The following PTK2 variants were observed in gnomAD, a reference collection of about 807,000 sequenced individuals.
PTK2 encodes the protein focal adhesion kinase 1.
PTK2 carries 45 observed loss-of-function variants against 150.1 expected under a neutral mutation model. That is an observed-to-expected ratio of 0.30 (90% CI 0.24 to 0.38). The LOEUF is 0.38. PTK2 is among the 10% of genes least tolerant of loss of function. The pLI, the probability that PTK2 is intolerant of heterozygous loss-of-function variation, is 1.00. For synonymous variants in PTK2, 432 were observed against 449.2 expected, an observed-to-expected ratio of 0.96 and a Z score of 0.48; for missense variants, 919 against 1,307.3, an observed-to-expected ratio of 0.70 and a Z score of 4.58.
At chr8:140,943,036 C>T (rs754051086) in intron 1 of PTK2, among the ~76,000 whole-genome samples, 10 of 152,128 alleles carry the variant, frequency 6.6e-5, no homozygotes, top group Non-Finnish European at 1.2e-4. Context: ...AGCTCTCCGA[C>T]GCCTCCCTGG....
intron 1 of PTK2, among the ~76,000 whole-genome samples, chr8:140,927,975 A>ATATATAT (rs1367767247): frequency 0.02 from 969 of 48,062 alleles, 10 homozygotes; most frequent in African/African-American, 0.024. Context: ...AAAAAAAAAA[A>ATATATAT]ATATATATAT....
At chr8:140,668,484 A>C in intron 29 of PTK2, 60 bp from the exon 34 acceptor site, 8 of 1,536,988 alleles carry the variant, frequency 5.2e-6, no homozygotes, top group African/African-American at 1.4e-5. Flanking sequence ...AGATCACCAC[A>C]ATCAAGCTAG....
intron 5 of PTK2, among the ~76,000 whole-genome samples, chr8:140,855,945 G>T (rs770752084): frequency 6.6e-6 from 1 of 152,196 alleles, no homozygotes; most frequent in East Asian, 1.9e-4. Context: ...GTAAGTGTGT[G>T]TTCTACCACA....
At chr8:140,823,037 T>G (rs1483750567) in intron 8 of PTK2, among the ~76,000 whole-genome samples, 1 of 152,168 alleles carries the variant, frequency 6.6e-6, no homozygotes, top group Non-Finnish European at 1.5e-5. Context: ...CTACAAGTAT[T>G]AATAGAAAAT....
chr8:140,941,128 C>G (rs1202148097), intron 1 of PTK2, among the ~76,000 whole-genome samples: 1 of 152,170 alleles, frequency 6.6e-6, no homozygotes, highest in African/African-American at 2.4e-5. Context: ...GCTACACCAA[C>G]CGGAACTGTC....
intron 23 of PTK2, among the ~76,000 whole-genome samples, chr8:140,713,392 C>G (rs979191470): frequency 6.6e-6 from 1 of 152,194 alleles, no homozygotes; most frequent in African/African-American, 2.4e-5. Context: ...TCCTGGGTAG[C>G]TGGGACTACA....
At chr8:140,833,988 T>C (rs969277611) in intron 7 of PTK2, among the ~76,000 whole-genome samples, 14 of 152,250 alleles carry the variant, frequency 9.2e-5, no homozygotes, top group African/African-American at 3.4e-4. Flanking sequence ...TAGCTATTTA[T>C]ACTTACATTA....
At chr8:140,942,388 C>G (rs2100176131) in intron 1 of PTK2, among the ~76,000 whole-genome samples, 1 of 152,186 alleles carries the variant, frequency 6.6e-6, no homozygotes, top group African/African-American at 2.4e-5. Flanking sequence ...TTTTAAACAT[C>G]TTTTATTTCT....
chr8:140,818,477 T>C (rs2100106100), intron 9 of PTK2, 123 bp from the exon 10 acceptor site: 1 of 777,712 alleles, frequency 1.3e-6, no homozygotes, highest in African/African-American at 1.7e-5. Context: ...TATTAATCTA[T>C]CTAACCAAAT....
chr8:140,664,143 C>T (rs1326077521), intron 31 of PTK2, among the ~76,000 whole-genome samples: 4 of 152,120 alleles, frequency 2.6e-5, no homozygotes, highest in African/African-American at 7.2e-5. Context: ...GCCACCATGC[C>T]TAGCTACTTT....
chr8:140,893,002 T>C (rs562784841), intron 2 of PTK2, among the ~76,000 whole-genome samples: 76 of 152,306 alleles, frequency 5.0e-4, no homozygotes, highest in Admixed American at 1.7e-3. Context: ...TAGGTAGACA[T>C]ATGCCCAAAA....
chr8:140,659,174 GTTC>G, exon 32 of PTK2: 1 of 421,326 alleles, frequency 2.4e-6, no homozygotes, highest in Non-Finnish European at 4.3e-6. Context: ...AACATAAATT[GTTC>G]TTCATGATGC....
At chr8:140,832,609 G>A (rs1251745100) in intron 7 of PTK2, among the ~76,000 whole-genome samples, 2 of 152,156 alleles carry the variant, frequency 1.3e-5, no homozygotes, top group Non-Finnish European at 2.9e-5. Context: ...ACTGCAGAGG[G>A]AGGCATGGCC....
At chr8:140,712,828 T>A (rs938853480) in intron 23 of PTK2, among the ~76,000 whole-genome samples, 2 of 152,238 alleles carry the variant, frequency 1.3e-5, no homozygotes, top group Non-Finnish European at 1.5e-5. Context: ...AATTTTTGCT[T>A]GAAAACTCGA....
At chr8:140,761,373 C>G in intron 15 of PTK2, 111 bp from the exon 19 acceptor site, 1 of 867,564 alleles carries the variant, frequency 1.2e-6, no homozygotes, top group South Asian at 1.3e-5. Flanking sequence ...TGTGGCACAT[C>G]AATCTATGAA....
At chr8:140,865,959 AT>A (rs1486284288) in intron 4 of PTK2, among the ~76,000 whole-genome samples, 2 of 151,918 alleles carry the variant, frequency 1.3e-5, no homozygotes, top group Non-Finnish European at 2.9e-5. Flanking sequence ...TAACTTTTGT[AT>A]TTTTAGTAGG....
intron 14 of PTK2, among the ~76,000 whole-genome samples, chr8:140,787,479 T>G (rs1289640720): frequency 2.0e-5 from 3 of 152,144 alleles, no homozygotes; most frequent in Non-Finnish European, 4.4e-5. Context: ...GGTTCTGAAA[T>G]AAGAAGAAAA....
intron 14 of PTK2, among the ~76,000 whole-genome samples, chr8:140,769,220 C>A (rs1300694912): frequency 6.6e-6 from 1 of 152,170 alleles, no homozygotes; most frequent in Non-Finnish European, 1.5e-5. Flanking sequence ...AATTATCACA[C>A]AGATACCACA....
intron 8 of PTK2, among the ~76,000 whole-genome samples, chr8:140,825,365 T>A (rs1351734550): frequency 6.6e-6 from 1 of 152,162 alleles, no homozygotes; most frequent in East Asian, 1.9e-4. Flanking sequence ...CTTAAAATAG[T>A]CATCTGCTCA....
Sources: gnomAD v4.1 joint callset for allele counts (sites outside exome capture counted in the v4.1 genomes callset) on GRCh38, gnomAD v4.1.1 for gene constraint, MANE v1.5 for transcripts, NCBI Gene and HGNC (gene_info 2026-07-23, HGNC 2026-07-21) for gene names.